Variants in SYTL2 observed in about 807,000 individuals in gnomAD.
SYTL2 encodes the protein synaptotagmin-like protein 2.
Under a neutral mutation model 198.7 loss-of-function variants are expected in SYTL2, and 165 were observed. The ratio of observed to expected loss-of-function variants is 0.83; its 90% CI spans 0.73 to 0.94. SYTL2 has a LOEUF of 0.94. Ranked by LOEUF, SYTL2 falls within the 40% of genes least tolerant of loss-of-function variation. The probability of loss-of-function intolerance (pLI) is 0.00; values close to 1 mark genes in which losing one functional copy is unlikely to be tolerated. For synonymous variants in SYTL2, 966 were observed against 917.7 expected (o/e 1.05, Z -0.95); for missense variants, 2,835 against 2,582.8 (o/e 1.10, Z -2.12).
chr11:85,789,491 T>C (rs548586080), intron 1 of SYTL2, among the ~76,000 whole-genome samples: 128 of 148,882 alleles, frequency 8.6e-4, no homozygotes, highest in African/African-American at 3.0e-3. Flanking sequence ...CACCTTGGCC[T>C]CCCAAAGTGT....
chr11:85,740,101 A>G (rs1381785082), intron 4 of SYTL2, among the ~76,000 whole-genome samples: 3 of 152,074 alleles, frequency 2.0e-5, no homozygotes, highest in Non-Finnish European at 4.4e-5. Flanking sequence ...TCTTCTGTTC[A>G]TTACCTTTGC....
At chr11:85,782,361 G>A (rs954182736) in intron 1 of SYTL2, among the ~76,000 whole-genome samples, 13 of 152,278 alleles carry the variant, frequency 8.5e-5, no homozygotes, top group African/African-American at 2.9e-4. Context: ...CCCAGCCCAG[G>A]AAACCATTTT....
At chr11:85,751,542 TA>T (rs1340030120) in intron 2 of SYTL2, among the ~76,000 whole-genome samples, 2 of 152,198 alleles carry the variant, frequency 1.3e-5, no homozygotes, top group East Asian at 3.8e-4. Flanking sequence ...AGCAGAGAGT[TA>T]AGTAGAGAGA....
chr11:85,704,845 A>G lies in SYTL2; in HGVS notation c.6189+13T>C. Reference sequence around the variant, plus strand: ...AACCAACCAAATAAACAAACAAAAAATTCCGGACTCACCTTCCGCTTCAGA... The same window carrying G: ...AACCAACCAAATAAACAAACAAAAAGTTCCGGACTCACCTTCCGCTTCAGA... On this transcript the variant is annotated intron_variant, in intron 16 of 19. Coordinates refer to ENST00000359152, the MANE Select transcript of SYTL2 (RefSeq NM_206927.4). 1 of 1,609,660 alleles carries G rather than the reference A, an allele frequency of 6.2e-7. No homozygotes were observed. The highest frequency in any genetic ancestry group is 8.5e-7 in the Non-Finnish European group (1 of 1,177,330).
chr11:85,752,409 C>G (rs938356007), intron 2 of SYTL2, among the ~76,000 whole-genome samples: 1 of 152,150 alleles, frequency 6.6e-6, no homozygotes, highest in Non-Finnish European at 1.5e-5. Context: ...GAGCTGGCAG[C>G]AGAAGCCAGT....
chr11:85,748,140 A>T, intron 3 of SYTL2, 132 bp downstream of exon 3: 1 of 1,053,462 alleles, frequency 9.5e-7, no homozygotes, highest in Non-Finnish European at 1.4e-6. Flanking sequence ...AATTTAAACT[A>T]GAGGGCCACA....
Position 85,727,582 on chromosome 11 carries a change from G to A in SYTL2, c.1776C>T (p.Phe592=). ...ELKPVRSDSP[F]QAEGDMLVSE... ...AAACCAGCATATCTCCCTCTGCTTG[G>A]AATGGTGAGTCAGATCTCACAGGCT... The change falls in exon 8 of 20, where the codon TTC becomes TTT. Residue 592 remains phenylalanine (F), a synonymous_variant. Transcript: ENST00000359152. 6.5e-7 allele frequency: 1 copy of A among 1,536,098 alleles called. No homozygotes were observed. Among genetic ancestry groups the A allele is most frequent in the Middle Eastern group, 1.7e-4 (1 of 5,990 alleles).
intron 9 of SYTL2, chr11:85,719,054 A>G (rs992888397): frequency 1.3e-6 from 2 of 1,514,476 alleles, no homozygotes; most frequent in African/African-American, 1.4e-5. Flanking sequence ...GCCCGGATGC[A>G]GCTCACATCA....
At chr11:85,741,889 A>G (rs2090817578) in intron 4 of SYTL2, among the ~76,000 whole-genome samples, 1 of 152,258 alleles carries the variant, frequency 6.6e-6, no homozygotes, top group South Asian at 2.1e-4. Flanking sequence ...AATGAAGCAC[A>G]AAGACTTACC....
chr11:85,773,633 CCA>C (rs527529366), intron 1 of SYTL2, among the ~76,000 whole-genome samples: 186 of 152,222 alleles, frequency 1.2e-3, no homozygotes, highest in African/African-American at 4.3e-3. Flanking sequence ...CTCTGTATTT[CCA>C]ACACCTGACC....
At chr11:85,848,623 T>C in the SYTL2 span, among the ~76,000 whole-genome samples, 1 of 152,112 alleles carries the variant, frequency 6.6e-6, no homozygotes, top group African/African-American at 2.4e-5. Flanking sequence ...AGTATGTTTC[T>C]TGATTTTTTG....
chr11:85,715,849 C>T (rs919349215), intron 11 of SYTL2, among the ~76,000 whole-genome samples: 7 of 152,084 alleles, frequency 4.6e-5, no homozygotes, highest in African/African-American at 1.4e-4. Context: ...AACATTGCAC[C>T]CTACTATTTT....
At chr11:85,763,323 A>G (rs1406339994) in intron 1 of SYTL2, among the ~76,000 whole-genome samples, 1 of 152,210 alleles carries the variant, frequency 6.6e-6, no homozygotes, top group Admixed American at 6.5e-5. Flanking sequence ...CAGCCCTACC[A>G]TGCCACATCT....
the SYTL2 span, chr11:85,853,275 GA>G: frequency 4.6e-6 from 2 of 436,280 alleles, no homozygotes; most frequent in East Asian, 7.8e-5. Context: ...GTCTTGAGTA[GA>G]AAAAAGTAGA....
intron 12 of SYTL2, among the ~76,000 whole-genome samples, chr11:85,711,611 G>T (rs2086297169): frequency 6.6e-6 from 1 of 152,106 alleles, no homozygotes; most frequent in Non-Finnish European, 1.5e-5. Context: ...ATAATAAAAA[G>T]ATTTACTGTT....
rs747473746 is a variant in SYTL2 at position 85,748,267 on chromosome 11, C to T, written c.253+5G>A. The stretch of plus-strand genomic sequence containing the variant: ...GTTGTAAATGCACTAGCCAAGTCAA[C>T]TCACCTGCTATCTGGGGCCTCTTCT... On this transcript the variant is annotated splice_donor_5th_base_variant and intron_variant, in intron 3 of 19. Coordinates refer to ENST00000359152, the MANE Select transcript of SYTL2 (RefSeq NM_206927.4). 2 of 1,611,410 alleles carry T rather than the reference C, an allele frequency of 1.2e-6. No individual in the cohort carries two copies. Among genetic ancestry groups the T allele is most frequent in the Middle Eastern group, 1.7e-4 (1 of 6,048 alleles).
intron 2 of SYTL2, among the ~76,000 whole-genome samples, chr11:85,755,082 A>G (rs80179625): frequency 0.021 from 3,173 of 152,292 alleles, 63 homozygotes; most frequent in Admixed American, 0.037. Context: ...AAAGACAAAC[A>G]GCAATGGAAT....
chr11:85,833,373 G>A, the SYTL2 span, among the ~76,000 whole-genome samples: 5 of 145,344 alleles, frequency 3.4e-5, no homozygotes, highest in Non-Finnish European at 7.5e-5. Context: ...TGAGATATAT[G>A]ATATATCTCA....
chr11:85,754,934 G>A (rs2091769724), intron 2 of SYTL2, among the ~76,000 whole-genome samples: 1 of 152,124 alleles, frequency 6.6e-6, no homozygotes, highest in East Asian at 1.9e-4. Flanking sequence ...CATGGCTTTG[G>A]CACTGACTTA....
Sources: gnomAD v4.1 joint callset for allele counts (sites outside exome capture counted in the v4.1 genomes callset) on GRCh38, gnomAD v4.1.1 for gene constraint, MANE v1.5 for transcripts, NCBI Gene and HGNC (gene_info 2026-07-23, HGNC 2026-07-21) for gene names.